TJP1: variants seen among roughly 807,000 people sequenced by gnomAD.
TJP1 encodes the protein tight junction protein 1.
In TJP1, 43 loss-of-function variants were observed where a neutral mutation model predicts 194.2. That is an observed-to-expected ratio of 0.22 (90% CI 0.17 to 0.29). The LOEUF (loss-of-function observed/expected upper bound fraction) is 0.29, where lower values mean the gene tolerates loss of function less well. TJP1 is among the 10% of genes least tolerant of loss of function. TJP1 has a pLI of 1.00. For synonymous variants in TJP1, 801 were observed against 779.0 expected (o/e 1.03, Z -0.47); for missense variants, 1,971 against 2,185.7 (o/e 0.90, Z 1.96).
At chr15:29,714,651 C>T (rs1467046417) in intron 23 of TJP1, among the ~76,000 whole-genome samples, 1 of 150,576 alleles carries the variant, frequency 6.6e-6, no homozygotes, top group East Asian at 2.0e-4. Context: ...CGCCATTCTC[C>T]TGCCTCAGTC....
chr15:29,854,058 A>G (rs1384910617), intron 2 of TJP1, among the ~76,000 whole-genome samples: 1 of 152,188 alleles, frequency 6.6e-6, no homozygotes, highest in East Asian at 1.9e-4. Flanking sequence ...ACACGCAAAA[A>G]TAACATGGCC....
rs144115969 is a variant in TJP1 at position 29,708,164 on chromosome 15, C to T, written c.4850+395G>A. ...TGAACCAAGATCGCACCACTGCACT[C>T]CAGCCTGGGCGACAGAGGGAGACTC... On this transcript the variant is annotated intron_variant, in intron 25 of 27. Transcript: ENST00000614355. Among the ~76,000 whole-genome samples the T allele has an allele frequency of 5.8e-3, 877 of 150,644 alleles. 12 individuals are homozygous for T. Among genetic ancestry groups the T allele is most frequent in the African/African-American group, 0.021 (847 of 40,762 alleles).
At position 29,822,138 on chromosome 15, in the gene TJP1, G is replaced by T; in HGVS notation, c.-110C>A. The T allele has an allele frequency of 8.4e-7, 1 of 1,195,620 alleles. No homozygotes were observed. Among genetic ancestry groups the T allele is most frequent in the South Asian group, 4.2e-5 (1 of 23,862 alleles). 74.1% of individuals were successfully genotyped at this position (1,195,620 alleles called of 1,614,324 possible). On this transcript the variant is annotated 5_prime_UTR_variant, in exon 1 of 28. Coordinates refer to ENST00000614355, the MANE Select transcript of TJP1 (RefSeq NM_001330239.4). ...AATAAACATCTCCCGAGAGCGAGCG[G>T]GGCACGGGCGGGGGCGGCCGGAAGG...
intron 1 of TJP1, among the ~76,000 whole-genome samples, chr15:29,967,439 G>A (rs76073371): frequency 0.013 from 1,924 of 151,988 alleles, 45 homozygotes; most frequent in African/African-American, 0.044. Flanking sequence ...ATTAAGCCAA[G>A]CACAGTGGTA....
rs149978225 is a variant in TJP1 at position 29,798,661 on chromosome 15, T to C, written c.84+1985A>G. ...TAATTACCATGGGACCCACAGCAAG[T>C]CTTTTCCTAAGTATTTACCCAAAAG... On this transcript the variant is annotated intron_variant, in intron 2 of 27. Coordinates refer to ENST00000614355, the MANE Select transcript of TJP1 (RefSeq NM_001330239.4). Among the ~76,000 whole-genome samples the C allele has an allele frequency of 1.4e-3, 220 of 152,290 alleles. 8 individuals carry two copies. In the East Asian group the frequency reaches 0.022, roughly 15 times the overall value.
chr15:29,792,632 T>G (rs1035320359), intron 2 of TJP1, among the ~76,000 whole-genome samples: 1 of 152,368 alleles, frequency 6.6e-6, no homozygotes, highest in Non-Finnish European at 1.5e-5. Context: ...AACATAATTC[T>G]GTGAAGAATG....
intron 2 of TJP1, among the ~76,000 whole-genome samples, chr15:29,891,822 G>T (rs980151675): frequency 6.6e-6 from 1 of 152,106 alleles, no homozygotes; most frequent in Non-Finnish European, 1.5e-5. Context: ...CTCTCTGCAG[G>T]CCTCCTTATT....
At chr15:29,938,389 T>G (rs2054952018) in intron 2 of TJP1, among the ~76,000 whole-genome samples, 1 of 151,762 alleles carries the variant, frequency 6.6e-6, no homozygotes, top group Non-Finnish European at 1.5e-5. Flanking sequence ...ATGGCTTATG[T>G]TATATTAAAC....
At chr15:29,777,509 A>G (rs2047093061) in intron 2 of TJP1, among the ~76,000 whole-genome samples, 1 of 152,236 alleles carries the variant, frequency 6.6e-6, no homozygotes, top group African/African-American at 2.4e-5. Context: ...TAAAACAATG[A>G]AACAATTTAC....
chr15:29,704,176 G>T lies in TJP1; in HGVS notation c.5198C>A (p.Ser1733Tyr). 6.4e-7 allele frequency: 1 copy of T among 1,562,676 alleles called. No homozygotes were observed. Among genetic ancestry groups the T allele is most frequent in the Non-Finnish European group, 8.7e-7 (1 of 1,152,304 alleles). ...AGACAGCATACCCGACGAGGAGTCG[G>T]ATGATTTTAGAGCAAAAGACCAACC... is the stretch of plus-strand genomic sequence containing the variant. ...PDGWSFALKS[S>Y]DSSSGDPKTW... is the part of the protein sequence containing the mutation. Residue 1733 changes from serine (S) to tyrosine (Y), a missense_variant, in exon 27 of 28, where the codon TCC becomes TAC. Ser to Tyr is a moderately radical substitution (Grantham distance 144). Around this residue, in one of 5 missense-constraint regions of TJP1, gnomAD observed 1,108 missense variants for 1,128.5 expected, o/e 0.98. Transcript: ENST00000614355.
intron 2 of TJP1, among the ~76,000 whole-genome samples, chr15:29,869,017 T>C (rs1018811683): frequency 3.9e-5 from 6 of 152,198 alleles, no homozygotes; most frequent in Non-Finnish European, 5.9e-5. Flanking sequence ...AAAGGTATAT[T>C]ATATTATTAT....
intron 2 of TJP1, among the ~76,000 whole-genome samples, chr15:29,867,277 T>C (rs1317624422): frequency 6.6e-6 from 1 of 152,196 alleles, no homozygotes; most frequent in Non-Finnish European, 1.5e-5. Flanking sequence ...CAAATGGCAC[T>C]TTATGAGCAA....
chr15:29,779,279 G>T (rs771559304), intron 2 of TJP1, among the ~76,000 whole-genome samples: 2 of 152,136 alleles, frequency 1.3e-5, no homozygotes, highest in Non-Finnish European at 2.9e-5. Flanking sequence ...TGGTGATACT[G>T]CCATTTTTCA....
intron 1 of TJP1, chr15:29,968,586 GCCGCTCGCTCTCCCACTCCGGCCC>G: frequency 1.1e-6 from 1 of 888,894 alleles, no homozygotes; most frequent in Non-Finnish European, 1.3e-6. Context: ...CGCCCCGGCC[GCCGCTCGCTCTCCCACTCCGGCCC>G]CCGCCCCGCT....
chr15:29,956,961 G>T (rs1321454694), intron 1 of TJP1, among the ~76,000 whole-genome samples: 2 of 152,140 alleles, frequency 1.3e-5, no homozygotes, highest in Non-Finnish European at 2.9e-5. Context: ...ATATTAGACT[G>T]AAGTTTTCTA....
intron 2 of TJP1, among the ~76,000 whole-genome samples, chr15:29,886,585 T>C (rs530099326): frequency 3.3e-5 from 5 of 150,768 alleles, no homozygotes; most frequent in South Asian, 4.2e-4. Flanking sequence ...GCCTGAGCCA[T>C]AGAGAGAGGC....
chr15:29,741,166 A>T (rs1004920917), intron 10 of TJP1, 165 bp downstream of exon 10: 4 of 541,406 alleles, frequency 7.4e-6, no homozygotes, highest in African/African-American at 6.1e-5. Flanking sequence ...TTTCTAACTC[A>T]CTATCATATA....
At chr15:29,754,447 G>C (rs1375344045) in intron 8 of TJP1, among the ~76,000 whole-genome samples, 1 of 152,060 alleles carries the variant, frequency 6.6e-6, no homozygotes, top group Non-Finnish European at 1.5e-5. Context: ...GAAATAGTAC[G>C]TACAAAACAC....
chr15:29,912,360 A>C (rs2054041137), intron 2 of TJP1, among the ~76,000 whole-genome samples: 1 of 152,252 alleles, frequency 6.6e-6, no homozygotes, highest in Admixed American at 6.5e-5. Context: ...AATATTAGGT[A>C]GAACCACACA....
Sources: allele counts gnomAD v4.1 joint callset (sites outside exome capture counted in the v4.1 genomes callset), GRCh38; gene constraint gnomAD v4.1.1; regional missense constraint gnomAD v4.1.1; transcripts MANE v1.5; gene names NCBI Gene and HGNC (gene_info 2026-07-23, HGNC 2026-07-21).